The following LPAR6 variants were observed in gnomAD, a reference collection of about 807,000 sequenced individuals.
The protein encoded by LPAR6 is G-protein coupled purinergic receptor P2Y5.
A neutral mutation model predicts 22.0 loss-of-function variants in LPAR6; 17 were observed. The ratio of observed to expected loss-of-function variants is 0.77; its 90% CI spans 0.53 to 1.16. The LOEUF (loss-of-function observed/expected upper bound fraction) is 1.16, where lower values mean the gene tolerates loss of function less well. Among genes scored for constraint, LPAR6 ranks in the 50% most tolerant of loss-of-function variants. LPAR6 has a pLI of 0.00. For missense variants in LPAR6, 384 were observed against 406.9 expected (o/e 0.94, Z 0.48); for synonymous variants, 136 against 139.8 (o/e 0.97, Z 0.19).
intron 1 of LPAR6, among the ~76,000 whole-genome samples, chr13:48,435,657 T>G (rs992245471): frequency 6.6e-6 from 1 of 152,188 alleles, no homozygotes; most frequent in Admixed American, 6.5e-5. Flanking sequence ...AGATTTTCCC[T>G]TATACTTAAA....
chr13:48,402,219 C>T (rs1201454971), intron 1 of LPAR6, among the ~76,000 whole-genome samples: 1 of 151,910 alleles, frequency 6.6e-6, no homozygotes, highest in Non-Finnish European at 1.5e-5. Flanking sequence ...TATCAGACAC[C>T]TTTAATAGTG....
chr13:48,441,861 C>A lies in LPAR6; in HGVS notation c.-1474+2692G>T, dbSNP rs533047582. 2.0e-5 allele frequency among the ~76,000 whole-genome samples: 3 copies of A among 152,226 alleles called. No individual in the cohort carries two copies. In the East Asian group the frequency reaches 5.8e-4, roughly 29 times the overall value. On this transcript the variant is annotated intron_variant, in intron 1 of 6. Transcript: ENST00000378434. Reference sequence around the variant, plus strand: ...AGAGGCAGGAATTATTTAAAAATGACTTTAATTTTGATCATTTAATTATAG... The same window carrying A: ...AGAGGCAGGAATTATTTAAAAATGAATTTAATTTTGATCATTTAATTATAG...
At chr13:48,393,375 C>T (rs927304466) in intron 1 of LPAR6, among the ~76,000 whole-genome samples, 1 of 152,198 alleles carries the variant, frequency 6.6e-6, no homozygotes, top group Non-Finnish European at 1.5e-5. Flanking sequence ...AGTTTCTCAT[C>T]TCTGGACTGT....
chr13:48,422,182 C>T (rs1949016308), intron 2 of LPAR6, among the ~76,000 whole-genome samples: 1 of 152,166 alleles, frequency 6.6e-6, no homozygotes, highest in Admixed American at 6.5e-5. Flanking sequence ...GAATACTATG[C>T]AGCCATGAAC....
At chr13:48,428,562 A>G (rs912441359), upstream of LPAR6, among the ~76,000 whole-genome samples, 3 of 152,248 alleles carry the variant, frequency 2.0e-5, no homozygotes, top group Admixed American at 6.5e-5. Context: ...TTAGGTAAAT[A>G]TTAAGCAAAG....
At chr13:48,399,013 C>T (rs555715195) in intron 1 of LPAR6, among the ~76,000 whole-genome samples, 15 of 152,002 alleles carry the variant, frequency 9.9e-5, no homozygotes, top group Non-Finnish European at 1.6e-4. Context: ...AATGAGCAAA[C>T]TATATTATAA....
chr13:48,406,110 G>GTGTA (rs1948737573), downstream of LPAR6, among the ~76,000 whole-genome samples: 2 of 151,674 alleles, frequency 1.3e-5, no homozygotes, highest in African/African-American at 4.8e-5. Context: ...GTGTGTGTGT[G>GTGTA]TGTATGTATG....
chr13:48,438,220 G>A (rs1949203168), intron 1 of LPAR6, among the ~76,000 whole-genome samples: 1 of 152,132 alleles, frequency 6.6e-6, no homozygotes, highest in Non-Finnish European at 1.5e-5. Context: ...TGTGCCAGGT[G>A]CCCTTCTAAG....
chr13:48,395,176 TA>T (rs1255448628), intron 1 of LPAR6, among the ~76,000 whole-genome samples: 1 of 152,074 alleles, frequency 6.6e-6, no homozygotes, highest in Non-Finnish European at 1.5e-5. Context: ...GAAGGAGAAC[TA>T]ACAAACAGAA....
At chr13:48,407,107 A>G (rs1030538370), downstream of LPAR6, among the ~76,000 whole-genome samples, 1 of 152,202 alleles carries the variant, frequency 6.6e-6, no homozygotes, top group Non-Finnish European at 1.5e-5. Context: ...CATTTACCCC[A>G]TGGCTATTAA....
upstream of LPAR6, among the ~76,000 whole-genome samples, chr13:48,431,299 T>G (rs1949127315): frequency 6.6e-6 from 1 of 152,230 alleles, no homozygotes; most frequent in South Asian, 2.1e-4. Flanking sequence ...ACTATACATT[T>G]GATTAGACTT....
In LPAR6 at chr13:48,411,604, G is replaced by T. The variant is rs571717200; in HGVS notation, c.820C>A (p.Pro274Thr). 2 of 1,611,852 alleles carry T rather than the reference G, an allele frequency of 1.2e-6. No individual in the cohort carries two copies. The highest frequency in any genetic ancestry group is 1.7e-6 in the Non-Finnish European group (2 of 1,178,262). The part of the protein sequence containing the change: ...SVVAAVRTMY[P>T]ITLCIAVSNC... ...GAAACAGCAATACAGAGAGTGATTG[G>T]GTACATTGTCCTTACTGCTGCCACT... The change falls in exon 1 of 1, where the codon CCA becomes ACA. Residue 274 changes from proline to threonine, a missense_variant. Pro to Thr is a conservative substitution (Grantham distance 38). Transcript: ENST00000620633.
chr13:48,410,883 G>A (rs1238525692), downstream of LPAR6, among the ~76,000 whole-genome samples: 3 of 151,924 alleles, frequency 2.0e-5, no homozygotes, highest in Non-Finnish European at 2.9e-5. Flanking sequence ...TACGTTTTTA[G>A]TTATACATAT....
intron 1 of LPAR6, among the ~76,000 whole-genome samples, chr13:48,396,130 G>T (rs1466443202): frequency 3.9e-5 from 6 of 152,090 alleles, no homozygotes; most frequent in Admixed American, 2.0e-4. Context: ...TTTCTTCACA[G>T]AATTAGAAAA....
upstream of LPAR6, among the ~76,000 whole-genome samples, chr13:48,417,715 C>T (rs1355091412): frequency 6.6e-6 from 1 of 152,094 alleles, no homozygotes; most frequent in Non-Finnish European, 1.5e-5. Flanking sequence ...CTGAAAAACA[C>T]AGCACAAGAA....
intron 1 of LPAR6, among the ~76,000 whole-genome samples, chr13:48,432,191 T>A (rs1348230419): frequency 6.6e-6 from 1 of 152,132 alleles, no homozygotes; most frequent in East Asian, 1.9e-4. Flanking sequence ...GAATGAATCA[T>A]GTGGTTGTCT....
At chr13:48,410,761 G>A (rs1948787235), downstream of LPAR6, among the ~76,000 whole-genome samples, 1 of 152,054 alleles carries the variant, frequency 6.6e-6, no homozygotes, top group Non-Finnish European at 1.5e-5. Flanking sequence ...CATATAGATA[G>A]CATCTGCTTT....
At chr13:48,397,800 G>A (rs9568036) in intron 1 of LPAR6, among the ~76,000 whole-genome samples, 68,145 of 151,916 alleles carry the variant, frequency 0.45, 18,755 homozygotes, top group Middle Eastern at 0.6. Context: ...AAGCTTTTTT[G>A]GTATTCTTTT....
upstream of LPAR6, chr13:48,416,289 A>G (rs1351191076): frequency 3.3e-5 from 5 of 152,278 alleles, no homozygotes; most frequent in Non-Finnish European, 7.3e-5. Flanking sequence ...AGGCGAGCCA[A>G]AGCAGGGTGG....
Sources: gnomAD v4.1 joint callset for allele counts (sites outside exome capture counted in the v4.1 genomes callset) on GRCh38, gnomAD v4.1.1 for gene constraint, MANE v1.5 for transcripts, NCBI Gene and HGNC (gene_info 2026-07-23, HGNC 2026-07-21) for gene names.